NTRK2: variants seen among roughly 807,000 people sequenced by gnomAD.
NTRK2 encodes the protein BDNF/NT-3 growth factors receptor.
Under a neutral mutation model 94.5 loss-of-function variants are expected in NTRK2, and 13 were observed. The observed-to-expected ratio is 0.14, with a 90% confidence interval of 0.09 to 0.22. The LOEUF is 0.22. Among genes scored for constraint, NTRK2 ranks in the 10% least tolerant of loss-of-function variants. The pLI is 1.00. For synonymous variants in NTRK2, 372 were observed against 407.4 expected (o/e 0.91, Z 1.05); for missense variants, 639 against 1,071.2 (o/e 0.60, Z 5.63).
At position 85,020,350 on chromosome 9, in the gene NTRK2, C is replaced by T. The variant is rs1200537439; in HGVS notation, c.2317C>T (p.Leu773=). 6.2e-7 allele frequency: 1 copy of T among 1,614,128 alleles called. No homozygotes were observed. The highest frequency in any genetic ancestry group is 1.3e-5 in the African/African-American group (1 of 75,030). ...CTATGGCAAACAGCCCTGGTACCAG[C>T]TGTCAAACAATGAGGTGTGCAATGG... ...FTYGKQPWYQ[L]SNNEVIECIT... The change falls in exon 18 of 19, where the codon CTG becomes TTG. Residue 773 remains leucine (L), a synonymous_variant. Transcript: ENST00000277120.
At chr9:84,835,802 G>A (rs549064217) in intron 12 of NTRK2, among the ~76,000 whole-genome samples, 3 of 152,342 alleles carry the variant, frequency 2.0e-5, no homozygotes, top group Admixed American at 1.3e-4. Context: ...AGCAACGTAA[G>A]GCATTTCTTT....
rs569298440 is a variant in NTRK2, at chr9:84,922,706, A to G, written c.1634-11456A>G. Among the ~76,000 whole-genome samples the G allele has an allele frequency of 1.1e-4, 17 of 152,320 alleles. No individual in the cohort carries two copies. The South Asian group carries it at 3.3e-3, about 30-fold the overall frequency. On this transcript the variant is annotated intron_variant, in intron 14 of 18. Transcript: ENST00000277120. Reference sequence around the variant, plus strand: ...AAAATGCATGCACAATGCCTAAAACATGCCCAGCACACAGCTAATGTGCAA... The same window carrying G: ...AAAATGCATGCACAATGCCTAAAACGTGCCCAGCACACAGCTAATGTGCAA...
intron 12 of NTRK2, among the ~76,000 whole-genome samples, chr9:84,842,564 T>C (rs2074246590): frequency 6.6e-6 from 1 of 152,104 alleles, no homozygotes. Flanking sequence ...TTTCCACCCA[T>C]AGTGCTGCTT....
intron 17 of NTRK2, among the ~76,000 whole-genome samples, chr9:84,971,757 C>T (rs926032324): frequency 6.6e-6 from 1 of 152,138 alleles, no homozygotes; most frequent in African/African-American, 2.4e-5. Flanking sequence ...GGGGCTCTTA[C>T]AGAAGCTCAG....
chr9:84,797,560 A>G (rs1240235045), intron 12 of NTRK2, among the ~76,000 whole-genome samples: 9 of 69,084 alleles, frequency 1.3e-4, no homozygotes, highest in African/African-American at 1.9e-4. Flanking sequence ...TATTATATAT[A>G]CTATATATTA....
intron 12 of NTRK2, among the ~76,000 whole-genome samples, chr9:84,797,561 CTATATATTATATATAT>C (rs1564296546): frequency 1.8e-4 from 10 of 54,872 alleles, no homozygotes; most frequent in East Asian, 8.1e-4. Context: ...ATTATATATA[CTATATATTATATATAT>C]TATATATACT....
chr9:84,926,394 T>A (rs2132647094), intron 14 of NTRK2, among the ~76,000 whole-genome samples: 1 of 151,528 alleles, frequency 6.6e-6, no homozygotes. Flanking sequence ...CACCATGCCC[T>A]GCTAATTTTG....
intron 16 of NTRK2, among the ~76,000 whole-genome samples, chr9:84,953,189 C>A (rs759642471): frequency 7.2e-5 from 11 of 152,198 alleles, no homozygotes; most frequent in Non-Finnish European, 1.0e-4. Context: ...AAAGGGCCCA[C>A]CCTCTAGTAT....
At chr9:84,709,450 C>T (rs550012907) in intron 5 of NTRK2, among the ~76,000 whole-genome samples, 1 of 152,268 alleles carries the variant, frequency 6.6e-6, no homozygotes, top group East Asian at 1.9e-4. Flanking sequence ...TATTCCATAT[C>T]TCATAACATC....
intron 14 of NTRK2, among the ~76,000 whole-genome samples, chr9:84,879,208 GAGAT>G (rs2076182811): frequency 6.6e-6 from 1 of 152,140 alleles, no homozygotes; most frequent in African/African-American, 2.4e-5. Context: ...GAGACAAAGA[GAGAT>G]AGATTCTTTG....
At chr9:84,816,902 G>A (rs1455686273) in intron 12 of NTRK2, among the ~76,000 whole-genome samples, 1 of 152,102 alleles carries the variant, frequency 6.6e-6, no homozygotes, top group Non-Finnish European at 1.5e-5. Flanking sequence ...ACATCTGAAG[G>A]TCATATGATA....
intron 12 of NTRK2, among the ~76,000 whole-genome samples, chr9:84,807,717 G>C (rs186210769): frequency 2.0e-5 from 3 of 152,160 alleles, no homozygotes; most frequent in African/African-American, 7.2e-5. Context: ...CTATTGTTTT[G>C]TATCATTTTG....
intron 14 of NTRK2, among the ~76,000 whole-genome samples, chr9:84,919,049 C>T (rs538779209): frequency 1.2e-4 from 19 of 152,188 alleles, no homozygotes; most frequent in Non-Finnish European, 2.9e-5. Flanking sequence ...CCTATCTACA[C>T]ATACATTGAA....
chr9:84,890,278 A>C (rs538144833), intron 14 of NTRK2, among the ~76,000 whole-genome samples: 1 of 152,348 alleles, frequency 6.6e-6, no homozygotes, highest in South Asian at 2.1e-4. Flanking sequence ...GGGTGACAGC[A>C]GGTCCATGGG....
At chr9:84,882,280 T>G (rs1323333738) in intron 14 of NTRK2, among the ~76,000 whole-genome samples, 3 of 152,228 alleles carry the variant, frequency 2.0e-5, no homozygotes, top group African/African-American at 7.2e-5. Flanking sequence ...GAGATGGGTA[T>G]CTGCAACTTT....
intron 12 of NTRK2, chr9:84,814,853 C>T (rs1037488236): frequency 3.4e-5 from 36 of 1,063,186 alleles, no homozygotes; most frequent in South Asian, 4.6e-5. Context: ...CTTGGAGTTG[C>T]GCAGCTTAGC....
At chr9:84,730,127 G>T (rs1014834104) in intron 9 of NTRK2, among the ~76,000 whole-genome samples, 1 of 152,030 alleles carries the variant, frequency 6.6e-6, no homozygotes, top group African/African-American at 2.4e-5. Context: ...CCATCTTCTT[G>T]TTCATGAATT....
intron 17 of NTRK2, among the ~76,000 whole-genome samples, chr9:84,956,020 C>G (rs566134995): frequency 6.6e-6 from 1 of 152,282 alleles, no homozygotes; most frequent in African/African-American, 2.4e-5. Flanking sequence ...GAGTGAAGTC[C>G]TCAGTGTGAG....
At chr9:84,822,016 A>G (rs562147850) in intron 12 of NTRK2, among the ~76,000 whole-genome samples, 2 of 152,288 alleles carry the variant, frequency 1.3e-5, no homozygotes, top group African/African-American at 2.4e-5. Context: ...TGTGTTTGTC[A>G]TTTTCACCAT....
Sources: allele counts gnomAD v4.1 joint callset (sites outside exome capture counted in the v4.1 genomes callset), GRCh38; gene constraint gnomAD v4.1.1; transcripts MANE v1.5; gene names NCBI Gene and HGNC (gene_info 2026-07-23, HGNC 2026-07-21).